Variants in HIP1 observed in about 807,000 individuals in gnomAD.
HIP1 encodes huntingtin interacting protein 1.
In HIP1, 65 loss-of-function variants were observed where a neutral mutation model predicts 147.6. That is an observed-to-expected ratio of 0.44 (90% CI 0.36 to 0.54). HIP1 has a LOEUF of 0.54. HIP1 is among the 20% of genes least tolerant of loss of function. The pLI is 0.00. For missense variants in HIP1, 1,061 were observed against 1,299.6 expected (o/e 0.82, Z 2.82); for synonymous variants, 479 against 504.0 (o/e 0.95, Z 0.67).
chr7:75,640,509 T>G (rs1284339758), intron 1 of HIP1, among the ~76,000 whole-genome samples: 1 of 152,104 alleles, frequency 6.6e-6, no homozygotes, highest in Non-Finnish European at 1.5e-5. Context: ...CCCAGCACTT[T>G]GGGAGGCTGA....
rs1794510031 is a variant in HIP1 at position 75,545,257 on chromosome 7, C to T, written c.2560-69G>A. On this transcript the variant is annotated intron_variant, in intron 25 of 30. Coordinates refer to ENST00000336926, the MANE Select transcript of HIP1 (RefSeq NM_005338.7). ...GTACTATATGGCAGGTGCTTTTATA[C>T]ATATATTATCCCAAATCATCCTCAT... is the stretch of plus-strand genomic sequence containing the variant. The T allele has an allele frequency of 3.5e-6, 3 of 851,840 alleles. No homozygotes were observed. In the East Asian group the frequency reaches 7.3e-5, roughly 21 times the overall value. The allele number at this position is 851,840 out of a possible 1,614,324, so 52.8% of individuals were successfully genotyped here.
intron 1 of HIP1, among the ~76,000 whole-genome samples, chr7:75,664,411 C>T (rs1799479947): frequency 7.1e-6 from 1 of 141,454 alleles, no homozygotes; most frequent in Non-Finnish European, 1.5e-5. Context: ...CATATATACA[C>T]ATACATATGT....
At chr7:75,713,537 C>T (rs1554520270) in intron 1 of HIP1, among the ~76,000 whole-genome samples, 1 of 152,164 alleles carries the variant, frequency 6.6e-6, no homozygotes, top group Non-Finnish European at 1.5e-5. Context: ...GGACATTCTC[C>T]ACCCTCTGAT....
chr7:75,738,019 T>C (rs548896474), intron 1 of HIP1, among the ~76,000 whole-genome samples: 9 of 152,334 alleles, frequency 5.9e-5, no homozygotes, highest in Non-Finnish European at 1.0e-4. Context: ...TTGTGGCTTT[T>C]TGTTGATGAC....
chr7:75,636,216 G>A (rs10239542), intron 1 of HIP1, among the ~76,000 whole-genome samples: 5,108 of 151,158 alleles, frequency 0.034, 141 homozygotes, highest in East Asian at 0.16. Flanking sequence ...GTAGTGCTGG[G>A]GGCGCGCGCC....
intron 1 of HIP1, among the ~76,000 whole-genome samples, chr7:75,731,904 A>G (rs1171994729): frequency 1.3e-5 from 2 of 152,066 alleles, no homozygotes; most frequent in Non-Finnish European, 2.9e-5. Context: ...TACCAATGAG[A>G]CAGAATCCTT....
At chr7:75,560,216 A>G (rs587708148) in intron 13 of HIP1, among the ~76,000 whole-genome samples, 2 of 151,168 alleles carry the variant, frequency 1.3e-5, no homozygotes, top group Admixed American at 1.3e-4. Context: ...TATAGCACCA[A>G]CATTGCTCAC....
At chr7:75,601,119 G>T (rs1327269662) in intron 1 of HIP1, among the ~76,000 whole-genome samples, 2 of 148,470 alleles carry the variant, frequency 1.3e-5, no homozygotes, top group African/African-American at 2.5e-5. Context: ...TAAAGAGTTT[G>T]TTTTTTTTTT....
At chr7:75,619,474 C>T (rs868930189) in intron 1 of HIP1, among the ~76,000 whole-genome samples, 15 of 142,064 alleles carry the variant, frequency 1.1e-4, no homozygotes, top group Admixed American at 4.3e-4. Flanking sequence ...TGCAGTGAGC[C>T]GAGATCACTC....
intron 1 of HIP1, among the ~76,000 whole-genome samples, chr7:75,714,960 C>T (rs1801271312): frequency 6.6e-6 from 1 of 152,232 alleles, no homozygotes; most frequent in South Asian, 2.1e-4. Flanking sequence ...GTGACAGTTC[C>T]TTAGCCTTTC....
intron 1 of HIP1, among the ~76,000 whole-genome samples, chr7:75,684,562 G>C (rs1800197261): frequency 2.6e-5 from 4 of 151,586 alleles, no homozygotes. Context: ...GCTTTTTTGG[G>C]CCCAGTATTC....
At chr7:75,639,378 T>G in intron 1 of HIP1, 2 of 172,096 alleles carry the variant, frequency 1.2e-5, no homozygotes, top group Non-Finnish European at 1.1e-5. Flanking sequence ...GACCGGGAAA[T>G]CCCGGAATCA....
intron 22 of HIP1, among the ~76,000 whole-genome samples, chr7:75,551,338 C>T (rs112331903): frequency 3.3e-5 from 5 of 150,272 alleles, no homozygotes; most frequent in Non-Finnish European, 7.4e-5. Context: ...GCTGGGATTA[C>T]AGGTATGTGC....
chr7:75,621,298 G>A (rs986589233), intron 1 of HIP1, among the ~76,000 whole-genome samples: 2 of 145,786 alleles, frequency 1.4e-5, no homozygotes, highest in African/African-American at 2.4e-5. Context: ...TGGCAGGCGC[G>A]AGGAAGTATG....
chr7:75,585,219 C>G (rs1796210479), intron 5 of HIP1, among the ~76,000 whole-genome samples: 1 of 147,522 alleles, frequency 6.8e-6, no homozygotes, highest in South Asian at 2.1e-4. Flanking sequence ...GAGTCTTGCT[C>G]TGTCGCCCAG....
intron 1 of HIP1, among the ~76,000 whole-genome samples, chr7:75,734,044 G>A (rs868906187): frequency 2.0e-5 from 3 of 151,694 alleles, no homozygotes; most frequent in Admixed American, 6.6e-5. Context: ...TCAGGAGTTC[G>A]AGGCCAGCCT....
Position 75,575,018 on chromosome 7 carries a change from CGTGATGGCTCACGCCT to C in HIP1, c.605-1133_605-1118del, listed in dbSNP as rs1420248874. Among the ~76,000 whole-genome samples, 9 of 151,556 alleles carry C rather than the reference CGTGATGGCTCACGCCT, an allele frequency of 5.9e-5. No individual in the cohort carries two copies. The East Asian group carries it at 1.6e-3, about 26-fold the overall frequency. On this transcript the variant is annotated intron_variant, in intron 7 of 30. Transcript: ENST00000336926. ...ACTGAAAATACAAAAATTAGCCAGG[CGTGATGGCTCACGCCT>C]GTAATCCCAGCTACTTGGGAAGCTG...
intron 1 of HIP1, among the ~76,000 whole-genome samples, chr7:75,687,655 C>T (rs1800309432): frequency 6.6e-6 from 1 of 152,194 alleles, no homozygotes; most frequent in South Asian, 2.1e-4. Context: ...GGCGCCATTG[C>T]ACTCCAGCCT....
At chr7:75,693,196 C>T (rs1554518367) in intron 1 of HIP1, among the ~76,000 whole-genome samples, 1 of 151,796 alleles carries the variant, frequency 6.6e-6, no homozygotes, top group African/African-American at 2.4e-5. Flanking sequence ...ATGCAAATTG[C>T]AAACGGCATT....
Sources: allele counts gnomAD v4.1 joint callset (sites outside exome capture counted in the v4.1 genomes callset), GRCh38; gene constraint gnomAD v4.1.1; transcripts MANE v1.5; gene names NCBI Gene and HGNC (gene_info 2026-07-23, HGNC 2026-07-21).